KANSL2: variants seen among roughly 807,000 people sequenced by gnomAD.
The protein encoded by KANSL2 is KAT8 regulatory NSL complex subunit 2.
KANSL2 carries 34 observed loss-of-function variants against 55.6 expected under a neutral mutation model. The ratio of observed to expected loss-of-function variants is 0.61; its 90% CI spans 0.46 to 0.81. KANSL2 has a LOEUF of 0.81. Ranked by LOEUF, KANSL2 falls within the 40% of genes least tolerant of loss-of-function variation. The probability of loss-of-function intolerance (pLI) is 0.00; values close to 1 mark genes in which losing one functional copy is unlikely to be tolerated. For synonymous variants in KANSL2, 209 were observed against 214.3 expected, an observed-to-expected ratio of 0.98 and a Z score of 0.22; for missense variants, 502 against 609.9, an observed-to-expected ratio of 0.82 and a Z score of 1.86.
At chr12:48,672,370 T>C (rs1254205935) in intron 4 of KANSL2, among the ~76,000 whole-genome samples, 1 of 146,038 alleles carries the variant, frequency 6.8e-6, no homozygotes, top group African/African-American at 2.5e-5. Flanking sequence ...TATACATGTA[T>C]ATATACGTAT....
intron 2 of KANSL2, among the ~76,000 whole-genome samples, chr12:48,680,420 G>A (rs536575363): frequency 6.6e-6 from 1 of 152,134 alleles, no homozygotes; most frequent in South Asian, 2.1e-4. Context: ...TCCAACTCCT[G>A]GCCTCAAGTG....
chr12:48,671,274 TAAA>T, intron 5 of KANSL2, among the ~76,000 whole-genome samples: 1 of 142,312 alleles, frequency 7.0e-6, no homozygotes, highest in South Asian at 2.2e-4. Flanking sequence ...CCGTCTCAAT[TAAA>T]AAAAAAAAAA....
intron 7 of KANSL2, among the ~76,000 whole-genome samples, chr12:48,664,134 C>T (rs551389393): frequency 1.3e-5 from 2 of 151,980 alleles, no homozygotes; most frequent in East Asian, 3.9e-4. Context: ...AAGCTGGTCT[C>T]GAACCCCTGA....
rs1350171217 is a variant in KANSL2, at chr12:48,682,235, T to C, written c.-58A>G. ...CTCTGCCGCGCCGCTCGCCCTTCTC[T>C]AGTGGCGCCAGCGGCTCTCAGATCG... On this transcript the variant is annotated 5_prime_UTR_variant, in exon 1 of 10. Coordinates refer to ENST00000420613, the MANE Select transcript of KANSL2 (RefSeq NM_017822.4). 3 of 624,526 alleles carry C rather than the reference T, an allele frequency of 4.8e-6. No homozygotes were observed. Among genetic ancestry groups the C allele is most frequent in the East Asian group, 5.5e-5 (2 of 36,582 alleles). The allele number at this position is 624,526 out of a possible 1,614,324, so 38.7% of individuals were successfully genotyped here.
intron 5 of KANSL2, among the ~76,000 whole-genome samples, chr12:48,671,274 T>TAAA (rs10648260): frequency 0.032 from 4,589 of 142,260 alleles, 105 homozygotes; most frequent in African/African-American, 0.051. Flanking sequence ...CCGTCTCAAT[T>TAAA]AAAAAAAAAA....
intron 2 of KANSL2, among the ~76,000 whole-genome samples, chr12:48,680,932 T>G (rs1298726582): frequency 1.3e-5 from 2 of 151,636 alleles, no homozygotes; most frequent in African/African-American, 4.9e-5. Context: ...AGATCTCCAC[T>G]GCACTCCAGC....
At chr12:48,672,367 G>GTATATATATATACATGTATA (rs1326133877) in intron 4 of KANSL2, among the ~76,000 whole-genome samples, 5 of 126,476 alleles carry the variant, frequency 4.0e-5, no homozygotes, top group African/African-American at 1.1e-4. Context: ...ATATATACAT[G>GTATATATATATACATGTATA]TATATATACG....
At chr12:48,670,666 T>A (rs1259302890) in intron 5 of KANSL2, among the ~76,000 whole-genome samples, 2 of 152,220 alleles carry the variant, frequency 1.3e-5, no homozygotes, top group Non-Finnish European at 2.9e-5. Context: ...TTCTTAAAAA[T>A]TTTTTTAAGT....
At position 48,665,602 on chromosome 12, in the gene KANSL2, A is replaced by G. The variant is rs534748650; in HGVS notation, c.973+2091T>C. Among the ~76,000 whole-genome samples the G allele has an allele frequency of 3.4e-4, 52 of 152,182 alleles. 1 individual carries two copies. Among genetic ancestry groups the G allele is most frequent in the Non-Finnish European group, 6.5e-4 (44 of 68,030 alleles). On this transcript the variant is annotated intron_variant, in intron 7 of 9. Coordinates refer to ENST00000420613, the MANE Select transcript of KANSL2 (RefSeq NM_017822.4). Reference sequence around the variant, plus strand: ...AAAGAAAATAAGTTTTAATTTCCAAATATTTGGCATTTCTTGCCAAGCAAA... The same window carrying G: ...AAAGAAAATAAGTTTTAATTTCCAAGTATTTGGCATTTCTTGCCAAGCAAA...
rs538685115 is a variant in KANSL2 at position 48,678,851 on chromosome 12, A to C, written c.545+185T>G. Among the ~76,000 whole-genome samples the C allele has an allele frequency of 6.6e-5, 10 of 152,296 alleles. No homozygotes were observed. In the East Asian group the frequency reaches 1.9e-3, roughly 29 times the overall value. ...CTTTTTTTAAATTACAAGGCTTCTAAAAAAGAATCATCCTGCCTTGAAGCA... is the reference window on the plus strand; with the variant it reads ...CTTTTTTTAAATTACAAGGCTTCTACAAAAGAATCATCCTGCCTTGAAGCA... On this transcript the variant is annotated intron_variant, in intron 4 of 9. Coordinates refer to ENST00000420613, the MANE Select transcript of KANSL2 (RefSeq NM_017822.4).
At chr12:48,672,364 CAT>C (rs1592106144) in intron 4 of KANSL2, among the ~76,000 whole-genome samples, 2 of 136,824 alleles carry the variant, frequency 1.5e-5, no homozygotes, top group East Asian at 4.1e-4. Flanking sequence ...TACATATATA[CAT>C]GTATATATAC....
intron 4 of KANSL2, among the ~76,000 whole-genome samples, chr12:48,674,541 CA>C (rs2137199516): frequency 6.6e-6 from 1 of 152,150 alleles, no homozygotes; most frequent in East Asian, 1.9e-4. Flanking sequence ...TAATTTCTGC[CA>C]AAATTTCTTC....
rs986358232 is a variant in KANSL2, at chr12:48,682,236, A to G, written c.-59T>C. 3 of 623,542 alleles carry G rather than the reference A, an allele frequency of 4.8e-6. No individual in the cohort carries two copies. Among genetic ancestry groups the G allele is most frequent in the Non-Finnish European group, 8.6e-6 (3 of 348,584 alleles). The allele number at this position is 623,542 out of a possible 1,614,324, so 38.6% of individuals were successfully genotyped here. ...TCTGCCGCGCCGCTCGCCCTTCTCT[A>G]GTGGCGCCAGCGGCTCTCAGATCGG... is the stretch of plus-strand genomic sequence containing the variant. On this transcript the variant is annotated 5_prime_UTR_variant, in exon 1 of 10. Transcript: ENST00000420613.
rs1361662952 is a variant in KANSL2 at position 48,660,559 on chromosome 12, G to A, written c.1034C>T (p.Pro345Leu). The A allele has an allele frequency of 1.2e-6, 2 of 1,613,218 alleles. No individual in the cohort carries two copies. The highest frequency in any genetic ancestry group is 1.3e-5 in the African/African-American group (1 of 75,006). Residue 345 changes from proline to leucine, a missense_variant, in exon 8 of 10, where the codon CCC becomes CTC. Pro to Leu is a moderately conservative substitution (Grantham distance 98). Transcript: ENST00000420613. ...GCTTACAGGAACAGGTTTGTTGCAGGGTACCTCTTCAGATCCCTGGCAGCA... is the reference window on the plus strand; with the variant it reads ...GCTTACAGGAACAGGTTTGTTGCAGAGTACCTCTTCAGATCCCTGGCAGCA... ...FKCCQGSEEV[P>L]CNKPVPVSLS...
chr12:48,672,419 A>ACATG (rs1287322598), intron 4 of KANSL2, among the ~76,000 whole-genome samples: 2 of 112,678 alleles, frequency 1.8e-5, no homozygotes, highest in Non-Finnish European at 3.8e-5. Flanking sequence ...GTATATATAT[A>ACATG]TATATATATA....
At chr12:48,668,831 G>C (rs902706197) in intron 6 of KANSL2, among the ~76,000 whole-genome samples, 1 of 152,150 alleles carries the variant, frequency 6.6e-6, no homozygotes, top group Non-Finnish European at 1.5e-5. Flanking sequence ...CACGAGGTCA[G>C]GCATTGGAGA....
chr12:48,677,133 G>A (rs1211247908), intron 4 of KANSL2, among the ~76,000 whole-genome samples: 1 of 152,080 alleles, frequency 6.6e-6, no homozygotes, highest in African/African-American at 2.4e-5. Flanking sequence ...TCTCACTGAG[G>A]AAAATTAACG....
chr12:48,681,403 G>T lies in KANSL2; in HGVS notation c.230C>A (p.Pro77Gln). 6.2e-7 allele frequency: 1 copy of T among 1,613,426 alleles called. No homozygotes were observed. The highest frequency in any genetic ancestry group is 1.1e-5 in the South Asian group (1 of 91,052). ...ATACCCATCTTTCTTCTCTGGCTTT[G>T]GGGCAGCATTGGGACATCTTTTTCC... Reference protein sequence around the residue: ...KNGKRCPNAAPKPEKKDGVSF... With the variant: ...KNGKRCPNAAQKPEKKDGVSF... The change falls in exon 2 of 10, where the codon CCA (proline) becomes CAA (glutamine). Residue 77 changes from proline (P) to glutamine (Q), a missense_variant. Physicochemically the swap from Pro to Gln is moderately conservative, Grantham distance 76 (BLOSUM62 -1). Transcript: ENST00000420613.
intron 8 of KANSL2, 30 bp from the exon 9 acceptor site, chr12:48,655,090 T>C (rs1194855008): frequency 4.5e-6 from 7 of 1,551,630 alleles, no homozygotes; most frequent in Non-Finnish European, 6.1e-6. Flanking sequence ...CCATCAGCAA[T>C]ACCAAGGGAA....
Sources: gnomAD v4.1 joint callset for allele counts (sites outside exome capture counted in the v4.1 genomes callset) on GRCh38, gnomAD v4.1.1 for gene constraint, MANE v1.5 for transcripts, NCBI Gene and HGNC (gene_info 2026-07-23, HGNC 2026-07-21) for gene names.